Variants in PDLIM5 observed in about 807,000 individuals in gnomAD.
The protein encoded by PDLIM5 is PDZ and LIM domain protein 5.
PDLIM5 carries 34 observed loss-of-function variants against 64.2 expected under a neutral mutation model. That is an observed-to-expected ratio of 0.53 (90% confidence interval 0.40 to 0.71). The LOEUF (loss-of-function observed/expected upper bound fraction) is 0.71. Ranked by LOEUF, PDLIM5 falls within the 30% of genes least tolerant of loss-of-function variation. The pLI is 0.00. For synonymous variants in PDLIM5, 253 were observed against 269.1 expected (o/e 0.94, Z 0.59); for missense variants, 683 against 733.6 (o/e 0.93, Z 0.80).
chr4:94,575,683 C>G lies in PDLIM5; in HGVS notation c.359C>G (p.Thr120Arg). ...TSPAVSKVTS[T>R]NNMAYNKAPR... ...CCTGCTGTGTCCAAAGTCACTTCCA[C>G]AAACAACATGGCCTACAATAAGGCA... is the stretch of plus-strand genomic sequence containing the variant. Residue 120 changes from threonine (T) to arginine (R), a missense_variant, in exon 5 of 13, where the codon ACA becomes AGA. Coordinates refer to ENST00000317968, the MANE Select transcript of PDLIM5 (RefSeq NM_006457.5). The G allele has an allele frequency of 6.2e-7, 1 of 1,613,040 alleles. No individual in the cohort carries two copies. The highest frequency in any genetic ancestry group is 8.5e-7 in the Non-Finnish European group (1 of 1,179,300).
intron 2 of PDLIM5, among the ~76,000 whole-genome samples, chr4:94,511,071 A>G (rs1325562607): frequency 6.6e-6 from 1 of 152,216 alleles, no homozygotes; most frequent in Non-Finnish European, 1.5e-5. Flanking sequence ...TGATCTAACC[A>G]TCTTGTACAG....
chr4:94,549,258 G>C (rs1358353049), intron 3 of PDLIM5, among the ~76,000 whole-genome samples: 1 of 152,156 alleles, frequency 6.6e-6, no homozygotes, highest in Non-Finnish European at 1.5e-5. Flanking sequence ...GGAGTACAGG[G>C]TTAGTTGCTA....
intron 5 of PDLIM5, chr4:94,582,767 C>G (rs768426000): frequency 7.4e-7 from 1 of 1,358,144 alleles, no homozygotes; most frequent in South Asian, 1.3e-5. Flanking sequence ...TTGTAATTGT[C>G]TCTGTAACTT....
intron 2 of PDLIM5, among the ~76,000 whole-genome samples, chr4:94,503,235 TC>T (rs1208822972): frequency 6.6e-6 from 1 of 152,162 alleles, no homozygotes; most frequent in African/African-American, 2.4e-5. Context: ...AGTCTACACT[TC>T]CTCATCTCCC....
chr4:94,471,418 A>G (rs914078986), intron 2 of PDLIM5, among the ~76,000 whole-genome samples: 10 of 152,084 alleles, frequency 6.6e-5, no homozygotes, highest in Non-Finnish European at 1.5e-4. Flanking sequence ...GTTAACCATG[A>G]TTATATAGTG....
At chr4:94,649,797 A>C (rs1489303300) in intron 9 of PDLIM5, among the ~76,000 whole-genome samples, 1 of 152,240 alleles carries the variant, frequency 6.6e-6, no homozygotes, top group Non-Finnish European at 1.5e-5. Flanking sequence ...ATAATCTCAA[A>C]AAGAATTGAC....
intron 1 of PDLIM5, among the ~76,000 whole-genome samples, chr4:94,454,787 GTC>G (rs1294640923): frequency 2.0e-5 from 3 of 152,198 alleles, no homozygotes; most frequent in Non-Finnish European, 4.4e-5. Flanking sequence ...CTGATTTGCA[GTC>G]TCTTTCACAT....
rs751530797 is a variant in PDLIM5, at chr4:94,662,502, G to T, written c.1666G>T (p.Gly556Cys). 1.9e-6 allele frequency: 3 copies of T among 1,600,988 alleles called. No individual in the cohort carries two copies. Among genetic ancestry groups the T allele is most frequent in the Admixed American group, 1.7e-5 (1 of 59,934 alleles). Residue 556 changes from glycine (G) to cysteine (C), a missense_variant, in exon 12 of 13, where the codon GGC becomes TGC. Gly to Cys is a radical substitution (Grantham distance 159). Transcript: ENST00000317968. The part of the protein sequence containing the change: ...EAGDMFLEAL[G>C]YTWHDTCFVC... ...TGGTGACATGTTCCTGGAAGCTCTG[G>T]GCTACACCTGGCATGACACTTGCTT...
At chr4:94,484,728 A>T (rs1378383013) in intron 2 of PDLIM5, among the ~76,000 whole-genome samples, 2 of 152,134 alleles carry the variant, frequency 1.3e-5, no homozygotes, top group Non-Finnish European at 1.5e-5. Flanking sequence ...TTGAAGTCGG[A>T]TGTTCTGGAC....
At chr4:94,588,111 A>G in intron 7 of PDLIM5, 1 of 938,518 alleles carries the variant, frequency 1.1e-6, no homozygotes, top group Non-Finnish European at 1.3e-6. Context: ...TATTGTAATA[A>G]AGTTGCCTTT....
chr4:94,571,428 G>A (rs776382992), intron 3 of PDLIM5, among the ~76,000 whole-genome samples: 8 of 152,270 alleles, frequency 5.3e-5, no homozygotes, highest in Non-Finnish European at 7.4e-5. Context: ...GTATATCACC[G>A]TCGTGGCTTA....
Position 94,665,516 on chromosome 4 carries a change from AG to A in PDLIM5, c.*1450del. The A allele has an allele frequency of 4.0e-6, 3 of 756,636 alleles. No homozygotes were observed. The highest frequency in any genetic ancestry group is 2.0e-5 in the African/African-American group (1 of 49,420). The allele number at this position is 756,636 out of a possible 1,614,324, so 46.9% of individuals were successfully genotyped here. A position where few individuals can be genotyped will look rare whatever the true frequency, so the allele number is the denominator to read the frequency against. Reference sequence around the variant, plus strand: ...AAAAAAAAAAAAAAAAGAGAGAGAGAGAATAAATAGAAAAGAATGTGGCTGG... The same window carrying A: ...AAAAAAAAAAAAAAAAGAGAGAGAGAAATAAATAGAAAAGAATGTGGCTGG... On this transcript the variant is annotated 3_prime_UTR_variant, in exon 13 of 13. Transcript: ENST00000317968.
At chr4:94,580,270 A>G (rs368287699) in intron 5 of PDLIM5, among the ~76,000 whole-genome samples, 3 of 152,162 alleles carry the variant, frequency 2.0e-5, no homozygotes, top group Non-Finnish European at 1.5e-5. Flanking sequence ...AACGTGTACT[A>G]AAAGTTTTTT....
rs552068741 is a variant in PDLIM5, at chr4:94,540,883, C to CA, written c.248+17013dup. On this transcript the variant is annotated intron_variant, in intron 3 of 12. Coordinates refer to ENST00000317968, the MANE Select transcript of PDLIM5 (RefSeq NM_006457.5). ...GTCTGCATTAATTGTTGTGCAGTTACAAAAAGAAAAAGATACAGAGTACTC... is the reference window on the plus strand; with the variant it reads ...GTCTGCATTAATTGTTGTGCAGTTACAAAAAAGAAAAAGATACAGAGTACTC... 8.2e-4 allele frequency among the ~76,000 whole-genome samples: 125 copies of CA among 152,166 alleles called. 1 individual carries two copies. Among genetic ancestry groups the CA allele is most frequent in the South Asian group, 4.1e-3 (20 of 4,822 alleles).
intron 3 of PDLIM5, among the ~76,000 whole-genome samples, chr4:94,555,565 T>A (rs1436960690): frequency 6.6e-6 from 1 of 152,202 alleles, no homozygotes; most frequent in Non-Finnish European, 1.5e-5. Flanking sequence ...CTTTAGTTTA[T>A]AACCTTTTTC....
intron 3 of PDLIM5, among the ~76,000 whole-genome samples, chr4:94,556,594 C>T (rs914852833): frequency 1.1e-4 from 16 of 152,268 alleles, no homozygotes; most frequent in African/African-American, 2.2e-4. Context: ...TAATGATCAC[C>T]ATTCTAATTG....
intron 6 of PDLIM5, 32 bp downstream of exon 6, chr4:94,585,769 A>G (rs1364884387): frequency 6.3e-7 from 1 of 1,576,936 alleles, no homozygotes; most frequent in East Asian, 2.2e-5. Flanking sequence ...CTAATGGATG[A>G]ATGTTTTTTT....
chr4:94,650,547 G>A (rs1288966241), intron 9 of PDLIM5, among the ~76,000 whole-genome samples: 8 of 152,128 alleles, frequency 5.3e-5, no homozygotes, highest in South Asian at 2.1e-4. Context: ...CAGTTAGTTC[G>A]TCATCCATAT....
intron 6 of PDLIM5, among the ~76,000 whole-genome samples, 182 bp from the exon 7 acceptor site, chr4:94,586,226 G>A (rs537339919): frequency 6.6e-6 from 1 of 152,170 alleles, no homozygotes; most frequent in South Asian, 2.1e-4. Flanking sequence ...ACATTGAAAA[G>A]TATAGATGTA....
Sources: gnomAD v4.1 joint callset for allele counts (sites outside exome capture counted in the v4.1 genomes callset) on GRCh38, gnomAD v4.1.1 for gene constraint, MANE v1.5 for transcripts, NCBI Gene and HGNC (gene_info 2026-07-23, HGNC 2026-07-21) for gene names.